SMG1: variants seen among roughly 807,000 people sequenced by gnomAD.
The protein encoded by SMG1 is serine/threonine-protein kinase SMG1.
Under a neutral mutation model 419.9 loss-of-function variants are expected in SMG1, and 22 were observed. The observed-to-expected ratio is 0.05, with a 90% CI of 0.04 to 0.07. The LOEUF (loss-of-function observed/expected upper bound fraction) is 0.07, where lower values mean the gene tolerates loss of function less well. SMG1 is among the 10% of genes least tolerant of loss of function. SMG1 has a pLI of 1.00. For missense variants in SMG1, 3,185 were observed against 4,342.0 expected (o/e 0.73, Z 7.49); for synonymous variants, 1,538 against 1,553.5 (o/e 0.99, Z 0.23).
intron 33 of SMG1, among the ~76,000 whole-genome samples, chr16:18,850,720 G>T (rs2034543442): frequency 6.6e-6 from 1 of 152,132 alleles, no homozygotes; most frequent in Admixed American, 6.6e-5. Context: ...TACTTTAAAT[G>T]CTTCCAAGTT....
intron 1 of SMG1, among the ~76,000 whole-genome samples, chr16:18,905,196 G>A (rs973883989): frequency 7.9e-5 from 12 of 152,196 alleles, no homozygotes. Flanking sequence ...CGGAGGTGGA[G>A]GTTGCAGTGA....
At chr16:18,871,969 G>A (rs2967208) in intron 15 of SMG1, among the ~76,000 whole-genome samples, 13,462 of 151,854 alleles carry the variant, frequency 0.089, 744 homozygotes, top group African/African-American at 0.16. Flanking sequence ...GTGGGGGAGT[G>A]AGGTTTTTCA....
chr16:18,855,151 G>C lies in SMG1; in HGVS notation c.4235-247C>G, dbSNP rs141006857. ...TTCAAGAAATTTCTTTTTAGTTTCT[G>C]AATCTTTGGCAAAAAGCCTGGGCCA... On this transcript the variant is annotated intron_variant, in intron 29 of 62. Transcript: ENST00000446231. Among the ~76,000 whole-genome samples the C allele has an allele frequency of 3.5e-3, 533 of 152,284 alleles. 2 individuals carry two copies. Among genetic ancestry groups the C allele is most frequent in the African/African-American group, 0.011 (451 of 41,560 alleles).
intron 1 of SMG1, among the ~76,000 whole-genome samples, chr16:18,913,932 A>G (rs2037878420): frequency 6.6e-6 from 1 of 152,036 alleles, no homozygotes. Context: ...TCGGGAAGCC[A>G]AGGCAGGGGG....
At chr16:18,830,155 T>C (rs2033067437) in intron 52 of SMG1, 40 bp from the exon 53 acceptor site, 5 of 1,605,816 alleles carry the variant, frequency 3.1e-6, no homozygotes, top group Non-Finnish European at 4.3e-6. Context: ...TTCTCCACTC[T>C]TGACACAACT....
intron 60 of SMG1, among the ~76,000 whole-genome samples, chr16:18,812,571 TACAC>T (rs769463132): frequency 1.7e-4 from 25 of 149,394 alleles, no homozygotes; most frequent in African/African-American, 5.7e-4. Context: ...TACATATATA[TACAC>T]ACACATATAT....
intron 56 of SMG1, among the ~76,000 whole-genome samples, chr16:18,818,784 C>A (rs2032249773): frequency 1.3e-5 from 2 of 151,220 alleles, no homozygotes; most frequent in African/African-American, 4.9e-5. Flanking sequence ...CCTCCCCCTG[C>A]CCAATCCACA....
chr16:18,916,838 G>C (rs1378138196), intron 1 of SMG1, among the ~76,000 whole-genome samples: 3 of 151,956 alleles, frequency 2.0e-5, no homozygotes, highest in Admixed American at 6.6e-5. Flanking sequence ...AATCATCAAG[G>C]GTGGTCCAAT....
intron 23 of SMG1, 43 bp from the exon 24 acceptor site, chr16:18,864,187 CTTTTTTTTTTTTT>C: frequency 1.7e-6 from 1 of 596,854 alleles, no homozygotes; most frequent in Non-Finnish European, 2.3e-6. Context: ...TATCTACTTA[CTTTTTTTTTTTTT>C]TTTTTTTTTT....
chr16:18,914,376 T>C (rs565396758), intron 1 of SMG1, among the ~76,000 whole-genome samples: 10 of 152,232 alleles, frequency 6.6e-5, no homozygotes, highest in African/African-American at 2.4e-4. Flanking sequence ...TCAGTATGTT[T>C]AGAAATCTGT....
chr16:18,838,461 T>C lies in SMG1; in HGVS notation c.7090A>G (p.Ser2364Gly), dbSNP rs937116714. Residue 2364 changes from serine (S) to glycine (G), a missense_variant, in exon 44 of 63, where the codon AGC becomes GGC. Ser to Gly is a moderately conservative substitution (Grantham distance 56). This residue lies in a region of SMG1 where 60 missense variants were observed against 133.9 expected (regional missense o/e 0.45). Transcript: ENST00000446231. ...DYNVCFEKGK[S>G]LRVPEKVPFR... ...GGTACTTTCTCAGGAACTCTAAGGC[T>C]TTTACCTTGAAAAGACAAATCATTA... is the stretch of plus-strand genomic sequence containing the variant. 5 of 1,613,884 alleles carry C rather than the reference T, an allele frequency of 3.1e-6. No individual in the cohort carries two copies. Among genetic ancestry groups the C allele is most frequent in the Non-Finnish European group, 3.4e-6 (4 of 1,179,884 alleles).
chr16:18,917,731 C>A (rs2038032686), intron 1 of SMG1, among the ~76,000 whole-genome samples: 3 of 151,506 alleles, frequency 2.0e-5, no homozygotes, highest in Admixed American at 2.0e-4. Flanking sequence ...GCATGCACCA[C>A]CACACTCGAC....
At chr16:18,880,123 A>G (rs1195021582) in intron 10 of SMG1, among the ~76,000 whole-genome samples, 47 of 152,218 alleles carry the variant, frequency 3.1e-4, no homozygotes, top group Admixed American at 3.1e-3. Flanking sequence ...TTGGGAATCA[A>G]TCTTTTAAAA....
chr16:18,886,421 T>C (rs981434361), intron 6 of SMG1, among the ~76,000 whole-genome samples: 2 of 152,228 alleles, frequency 1.3e-5, no homozygotes, highest in African/African-American at 2.4e-5. Flanking sequence ...AATATTTATT[T>C]TGCAGCTGTT....
At chr16:18,853,178 T>C (rs8044117) in intron 31 of SMG1, among the ~76,000 whole-genome samples, 12 of 152,206 alleles carry the variant, frequency 7.9e-5, no homozygotes, top group Non-Finnish European at 1.8e-4. Flanking sequence ...ACTACCCTAT[T>C]TGTAAGGTAT....
At chr16:18,872,066 A>G in intron 15 of SMG1, 118 bp downstream of exon 15, 16 of 503,942 alleles carry the variant, frequency 3.2e-5, no homozygotes, top group Non-Finnish European at 3.9e-5. Flanking sequence ...AAGCTGCTCT[A>G]CCTCACCTCT....
chr16:18,895,887 G>A (rs769540754), intron 3 of SMG1, among the ~76,000 whole-genome samples, 165 bp downstream of exon 3: 15 of 152,180 alleles, frequency 9.9e-5, no homozygotes, highest in Non-Finnish European at 1.9e-4. Context: ...CTTTTAAAAT[G>A]TACTATAACC....
At chr16:18,892,882 G>A (rs2036945366) in intron 3 of SMG1, among the ~76,000 whole-genome samples, 1 of 152,208 alleles carries the variant, frequency 6.6e-6, no homozygotes, top group African/African-American at 2.4e-5. Flanking sequence ...TTTGCTGAAG[G>A]AAACAAGAAA....
chr16:18,811,389 A>T (rs1218555487), intron 62 of SMG1, among the ~76,000 whole-genome samples: 1 of 152,162 alleles, frequency 6.6e-6, no homozygotes, highest in Non-Finnish European at 1.5e-5. Flanking sequence ...TCGGATTTGG[A>T]GCATATGAGT....
Sources: gnomAD v4.1 joint callset for allele counts (sites outside exome capture counted in the v4.1 genomes callset) on GRCh38, gnomAD v4.1.1 for gene constraint, gnomAD v4.1.1 regional missense constraint, MANE v1.5 for transcripts, NCBI Gene and HGNC (gene_info 2026-07-23, HGNC 2026-07-21) for gene names.